PCDH9: variants seen among roughly 807,000 people sequenced by gnomAD.
The protein encoded by PCDH9 is protocadherin 9, also known as protocadherin-9.
In PCDH9, 24 loss-of-function variants were observed where a neutral mutation model predicts 70.6. The observed-to-expected ratio is 0.34, with a 90% CI of 0.25 to 0.48. PCDH9 has a LOEUF of 0.48. Ranked by LOEUF, PCDH9 falls within the 20% of genes least tolerant of loss-of-function variation. The probability of loss-of-function intolerance (pLI) is 0.99; values close to 1 mark genes in which losing one functional copy is unlikely to be tolerated. For missense variants in PCDH9, 1,281 were observed against 1,503.6 expected (o/e 0.85, Z 2.45); for synonymous variants, 562 against 558.5 (o/e 1.01, Z -0.09).
intron 4 of PCDH9, among the ~76,000 whole-genome samples, chr13:66,617,370 G>A (rs1020050489): frequency 1.3e-5 from 2 of 152,150 alleles, no homozygotes; most frequent in Admixed American, 6.5e-5. Context: ...ATCATCTTCC[G>A]TCTGTACCTC....
chr13:67,215,364 C>G (rs766021195), intron 2 of PCDH9: 2 of 151,928 alleles, frequency 1.3e-5, no homozygotes, highest in Admixed American at 6.6e-5. Flanking sequence ...GTCTGGATGG[C>G]TCAAAAGTCT....
chr13:67,024,987 T>C (rs1011174443), intron 2 of PCDH9, among the ~76,000 whole-genome samples: 11 of 152,230 alleles, frequency 7.2e-5, no homozygotes, highest in African/African-American at 2.4e-4. Flanking sequence ...ACAAGTATAT[T>C]CGTTTGTCAT....
chr13:66,708,716 ACT>A (rs2078751298), intron 3 of PCDH9, among the ~76,000 whole-genome samples: 1 of 152,216 alleles, frequency 6.6e-6, no homozygotes, highest in Non-Finnish European at 1.5e-5. Flanking sequence ...AATAACAGAC[ACT>A]GTTTTCAGTG....
chr13:67,107,468 C>G (rs553031613), intron 2 of PCDH9, among the ~76,000 whole-genome samples: 173 of 152,304 alleles, frequency 1.1e-3, no homozygotes, highest in African/African-American at 3.9e-3. Flanking sequence ...AACTACCACT[C>G]TGGGCCTCCT....
chr13:67,005,362 T>C (rs1280059021), intron 2 of PCDH9, among the ~76,000 whole-genome samples: 1 of 152,194 alleles, frequency 6.6e-6, no homozygotes, highest in Non-Finnish European at 1.5e-5. Flanking sequence ...AAGATTTAGG[T>C]AAGTTTGCTG....
At chr13:66,811,681 T>A (rs572315039) in intron 3 of PCDH9, among the ~76,000 whole-genome samples, 1 of 149,322 alleles carries the variant, frequency 6.7e-6, no homozygotes, top group South Asian at 2.1e-4. Flanking sequence ...TGCCTGCCTG[T>A]CTGCCTTCTT....
At chr13:66,921,664 A>G (rs903581985) in intron 2 of PCDH9, among the ~76,000 whole-genome samples, 3 of 151,354 alleles carry the variant, frequency 2.0e-5, no homozygotes, top group Non-Finnish European at 4.4e-5. Flanking sequence ...GCATAAAAAA[A>G]GACTAATACA....
At chr13:67,189,228 A>C (rs372862383) in intron 2 of PCDH9, among the ~76,000 whole-genome samples, 1 of 137,624 alleles carries the variant, frequency 7.3e-6, no homozygotes, top group African/African-American at 2.6e-5. Flanking sequence ...GTGTGTGTGT[A>C]TCTCTCTCAC....
chr13:66,399,243 C>T (rs1957150367), intron 4 of PCDH9, among the ~76,000 whole-genome samples: 1 of 152,072 alleles, frequency 6.6e-6, no homozygotes, highest in South Asian at 2.1e-4. Flanking sequence ...GGGTCTCTAC[C>T]TAGGCTCTTC....
intron 3 of PCDH9, among the ~76,000 whole-genome samples, chr13:66,676,308 G>C (rs572904736): frequency 6.6e-6 from 1 of 152,088 alleles, no homozygotes; most frequent in East Asian, 1.9e-4. Flanking sequence ...TTCTACAAAA[G>C]AGATAATTGT....
intron 3 of PCDH9, among the ~76,000 whole-genome samples, chr13:66,694,727 A>G (rs2078534899): frequency 6.6e-6 from 1 of 151,968 alleles, no homozygotes; most frequent in Non-Finnish European, 1.5e-5. Context: ...GTATATATAC[A>G]TATGTGTATG....
chr13:66,590,654 G>T (rs2077026770), intron 4 of PCDH9, among the ~76,000 whole-genome samples: 1 of 151,822 alleles, frequency 6.6e-6, no homozygotes, highest in Non-Finnish European at 1.5e-5. Context: ...CTTGTTCTCA[G>T]TGTTTGCTTT....
intron 3 of PCDH9, among the ~76,000 whole-genome samples, chr13:66,709,985 A>T (rs1335092701): frequency 1.3e-5 from 2 of 152,140 alleles, no homozygotes; most frequent in African/African-American, 4.8e-5. Flanking sequence ...TAGTAATTTT[A>T]AAATATCAAT....
chr13:66,779,873 A>ATGTGTG (rs35090227), intron 3 of PCDH9, among the ~76,000 whole-genome samples: 82,639 of 116,662 alleles, frequency 0.71, 31,162 homozygotes, highest in East Asian at 0.85. Flanking sequence ...ATATACATAT[A>ATGTGTG]TGTGTGTGTG....
intron 4 of PCDH9, among the ~76,000 whole-genome samples, chr13:66,592,279 C>A (rs890213645): frequency 2.6e-5 from 4 of 151,640 alleles, no homozygotes; most frequent in Non-Finnish European, 5.9e-5. Flanking sequence ...GATACATGAT[C>A]AATCCCCTGC....
chr13:66,358,067 A>C (rs1196944420), intron 4 of PCDH9, among the ~76,000 whole-genome samples: 1 of 152,066 alleles, frequency 6.6e-6, no homozygotes, highest in Non-Finnish European at 1.5e-5. Context: ...ATTCTAATTA[A>C]AACTTGATAC....
At chr13:66,876,640 C>G (rs1464062837) in intron 3 of PCDH9, among the ~76,000 whole-genome samples, 3 of 152,174 alleles carry the variant, frequency 2.0e-5, no homozygotes, top group Admixed American at 2.0e-4. Flanking sequence ...TAGCCTAATT[C>G]ATAGTCAAAA....
At chr13:67,141,823 C>A (rs1209171905) in intron 2 of PCDH9, among the ~76,000 whole-genome samples, 3 of 151,818 alleles carry the variant, frequency 2.0e-5, no homozygotes, top group African/African-American at 7.3e-5. Context: ...TAACCATAAT[C>A]CTGAGTCTCA....
chr13:66,789,784 AT>A (rs1294655396), intron 3 of PCDH9, among the ~76,000 whole-genome samples: 15 of 152,284 alleles, frequency 9.9e-5, no homozygotes, highest in Non-Finnish European at 1.5e-5. Context: ...GGCAAGCTCC[AT>A]AAGAATAGAA....
Sources: allele counts gnomAD v4.1 joint callset (sites outside exome capture counted in the v4.1 genomes callset), GRCh38; gene constraint gnomAD v4.1.1; transcripts MANE v1.5; gene names NCBI Gene and HGNC (gene_info 2026-07-23, HGNC 2026-07-21).